Variants in PSG7 observed in about 807,000 individuals in gnomAD.
PSG7 encodes pregnancy specific beta-1-glycoprotein 7.
A neutral mutation model predicts 45.6 loss-of-function variants in PSG7; 57 were observed. That is an observed-to-expected ratio of 1.25 (90% CI 1.01 to 1.56). PSG7 has a LOEUF of 1.56. Ranked by LOEUF, PSG7 falls within the 40% of genes most tolerant of loss-of-function variation. The pLI is 0.00. For missense variants in PSG7, 796 were observed against 508.4 expected, an observed-to-expected ratio of 1.57 and a Z score of -5.44; for synonymous variants, 298 against 194.4, an observed-to-expected ratio of 1.53 and a Z score of -4.43.
intron 1 of PSG7, 104 bp downstream of exon 1, chr19:42,936,909 A>C: frequency 4.0e-6 from 6 of 1,517,418 alleles, no homozygotes; most frequent in Non-Finnish European, 5.4e-6. Context: ...AGCCTCCCAA[A>C]GTGCTGGCTT....
Position 42,931,521 on chromosome 19 carries a change from C to G in PSG7, c.431-1801G>C, listed in dbSNP as rs563179751. ...TTTCTGGGCAGAGTTAGGAAAAATGCGGAGGACCCCAAAACAGGTATGTGA... is the reference window on the plus strand; with the variant it reads ...TTTCTGGGCAGAGTTAGGAAAAATGGGGAGGACCCCAAAACAGGTATGTGA... On this transcript the variant is annotated intron_variant, in intron 2 of 5. Coordinates refer to ENST00000406070, the MANE Select transcript of PSG7 (RefSeq NM_002783.3). 4.1e-4 allele frequency among the ~76,000 whole-genome samples: 62 copies of G among 151,640 alleles called. 3 individuals are homozygous for G. The highest frequency in any genetic ancestry group is 1.9e-3 in the East Asian group (10 of 5,156).
intron 2 of PSG7, among the ~76,000 whole-genome samples, chr19:42,930,245 G>A (rs1972990406): frequency 6.6e-6 from 1 of 151,654 alleles, no homozygotes; most frequent in Non-Finnish European, 1.5e-5. Context: ...AAATAACACA[G>A]GGGAGACCAG....
At chr19:42,927,094 C>A (rs1187193202) in intron 3 of PSG7, 4 of 286,054 alleles carry the variant, frequency 1.4e-5, no homozygotes, top group African/African-American at 2.1e-5. Context: ...AAATTGCATC[C>A]TACTTTGCCC....
chr19:42,933,305 ATATTTT>A (rs1169578096), intron 2 of PSG7, among the ~76,000 whole-genome samples: 1 of 13,748 alleles, frequency 7.3e-5, no homozygotes, highest in African/African-American at 1.7e-4. Flanking sequence ...ATATATATAT[ATATTTT>A]TTTTTTTTTT....
intron 3 of PSG7, among the ~76,000 whole-genome samples, chr19:42,928,093 C>T (rs746605194): frequency 5.3e-5 from 8 of 151,526 alleles, no homozygotes; most frequent in African/African-American, 1.7e-4. Flanking sequence ...TCTCTCACCA[C>T]GTTTCTAGCT....
intron 2 of PSG7, among the ~76,000 whole-genome samples, chr19:42,933,295 A>ATTTTTT (rs1168854490): frequency 1.7e-4 from 2 of 11,900 alleles, no homozygotes; most frequent in African/African-American, 4.8e-4. Flanking sequence ...ATATATATAT[A>ATTTTTT]TATATATATA....
intron 2 of PSG7, among the ~76,000 whole-genome samples, chr19:42,933,305 A>ATTTTTT (rs1294208407): frequency 3.6e-4 from 5 of 13,730 alleles, no homozygotes; most frequent in African/African-American, 5.1e-4. Context: ...ATATATATAT[A>ATTTTTT]TATTTTTTTT....
rs377573647 is a variant in PSG7 at position 42,925,897 on chromosome 19, C to G, written c.1119G>C (p.Gln373His). ...QYSWTINGKF[Q>H]LSGQKLSIPQ... ...GGATAGAAAGCTTTTGTCCTGATAG[C>G]TGAAACTTCCCATTAATTGTCCAAG... The change falls in exon 5 of 6, where the codon CAG (glutamine) becomes CAC (histidine). Residue 373 changes from glutamine (Q) to histidine (H), a missense_variant. Gln to His is a conservative substitution (Grantham distance 24, BLOSUM62 0). Coordinates refer to ENST00000406070, the MANE Select transcript of PSG7 (RefSeq NM_002783.3). The G allele has an allele frequency of 1.9e-6, 3 of 1,612,036 alleles. 1 individual carries two copies. The highest frequency in any genetic ancestry group is 2.7e-5 in the African/African-American group (2 of 74,646).
At chr19:42,926,966 CAGA>C in intron 3 of PSG7, 1 of 710,152 alleles carries the variant, frequency 1.4e-6, no homozygotes, top group Non-Finnish European at 2.2e-6. Context: ...GGGTCATGGA[CAGA>C]CATGTCAGTG....
At position 42,924,810 on chromosome 19, in the gene PSG7, A is replaced by G. The variant is rs553584882; in HGVS notation, c.1258T>C (p.Ter420ArgextTer35). ...TVRVSDWTLP* is the reference protein window; with the variant it reads ...TVRVSDWTLPR ...GGAATTGGAGGAACTAGTAGAATTC[A>G]GGGTAATGTCCAGTCTACAGTGGAT... is the stretch of plus-strand genomic sequence containing the variant. The change falls in exon 6 of 6, where the codon TGA becomes CGA. Residue 420 changes from the stop codon to arginine, a stop_lost. Transcript: ENST00000406070. The G allele has an allele frequency of 5.2e-6, 4 of 762,258 alleles. No individual in the cohort carries two copies. The highest frequency in any genetic ancestry group is 5.1e-5 in the Admixed American group (3 of 58,366). 47.2% of individuals were successfully genotyped at this position (762,258 alleles called of 1,614,324 possible).
rs1568454976 is a variant in PSG7 at position 42,926,419 on chromosome 19, G to A, written c.988+19C>T. The A allele has an allele frequency of 6.2e-7, 1 of 1,610,448 alleles. No homozygotes were observed. Among genetic ancestry groups the A allele is most frequent in the Non-Finnish European group, 8.5e-7 (1 of 1,178,198 alleles). Reference sequence around the variant, plus strand: ...TGTCCTGGCCCACAGAGGAAGAAAGGATACTCAAGGATACTCACAGAGGAC... The same window carrying A: ...TGTCCTGGCCCACAGAGGAAGAAAGAATACTCAAGGATACTCACAGAGGAC... On this transcript the variant is annotated intron_variant, in intron 4 of 5. Coordinates refer to ENST00000406070, the MANE Select transcript of PSG7 (RefSeq NM_002783.3).
rs1391451711 is a variant in PSG7 at position 42,933,121 on chromosome 19, T to C, written c.430+2283A>G. On this transcript the variant is annotated intron_variant, in intron 2 of 5. Coordinates refer to ENST00000406070, the MANE Select transcript of PSG7 (RefSeq NM_002783.3). ...CAAACAATCAGCAGTACTCATTTTT[T>C]AGTCCTGTGCCCCTGAAACTATCCT... Among the ~76,000 whole-genome samples the C allele has an allele frequency of 2.0e-5, 3 of 148,694 alleles. No homozygotes were observed. In the East Asian group the frequency reaches 6.0e-4, roughly 30 times the overall value.
rs761774520 is a variant in PSG7 at position 42,925,913 on chromosome 19, A to T, written c.1103T>A (p.Ile368Asn). 3.7e-6 allele frequency: 6 copies of T among 1,612,072 alleles called. No homozygotes were observed. The part of the protein sequence containing the change: ...SNPPAQYSWT[I>N]NGKFQLSGQK... The stretch of plus-strand genomic sequence containing the variant: ...TCCTGATAGCTGAAACTTCCCATTA[A>T]TTGTCCAAGAATACTGTGCCGGTGG... The change falls in exon 5 of 6, where the codon ATT (isoleucine) becomes AAT (asparagine). Residue 368 changes from isoleucine to asparagine, a missense_variant. Transcript: ENST00000406070.
At position 42,935,647 on chromosome 19, in the gene PSG7, T is replaced by C. The variant is rs1180383090; in HGVS notation, c.187A>G (p.Thr63Ala). 1 of 1,612,190 alleles carries C rather than the reference T, an allele frequency of 6.2e-7. No individual in the cohort carries two copies. ...LLVHNLPQNL[T>A]GYIWYKGQIR... ...TGTCCTTTGTACCAGATGTAGCCAGTAAGATTCTGGGGCAAATTGTGGACA... is the reference window on the plus strand; with the variant it reads ...TGTCCTTTGTACCAGATGTAGCCAGCAAGATTCTGGGGCAAATTGTGGACA... The change falls in exon 2 of 6, where the codon ACT becomes GCT. Residue 63 changes from threonine to alanine, a missense_variant. Coordinates refer to ENST00000406070, the MANE Select transcript of PSG7 (RefSeq NM_002783.3).
At chr19:42,932,189 A>T (rs553729240) in intron 2 of PSG7, among the ~76,000 whole-genome samples, 2 of 151,278 alleles carry the variant, frequency 1.3e-5, no homozygotes, top group African/African-American at 4.9e-5. Flanking sequence ...ACGTCCCACT[A>T]ATTTTTTGTA....
In PSG7 at chr19:42,929,717, T is replaced by G; in HGVS notation, c.434A>C (p.Glu145Ala). Residue 145 changes from glutamate to alanine, a missense_variant, in exon 3 of 6, where the codon GAG becomes GCG. By Grantham distance (107) the Glu-to-Ala change is moderately radical (BLOSUM62 -1). Transcript: ENST00000406070. Reference protein sequence around the residue: ...TGRFTFTLYLETPKPSISSSN... With the variant: ...TGRFTFTLYLATPKPSISSSN... ...GCTGGAGATGGAGGGTTTGGGAGTC[T>G]CCACTGTGCGGAAAACAGAGAGAAG... 2 of 1,611,428 alleles carry G rather than the reference T, an allele frequency of 1.2e-6. No homozygotes were observed. Among genetic ancestry groups the G allele is most frequent in the Non-Finnish European group, 1.7e-6 (2 of 1,178,694 alleles).
At chr19:42,933,307 A>ATATATATATATTTTTTT (rs56691588) in intron 2 of PSG7, among the ~76,000 whole-genome samples, 5 of 13,500 alleles carry the variant, frequency 3.7e-4, no homozygotes, top group Non-Finnish European at 6.4e-4. Context: ...ATATATATAT[A>ATATATATATATTTTTTT]TTTTTTTTTT....
intron 2 of PSG7, among the ~76,000 whole-genome samples, chr19:42,934,449 T>C (rs1973101870): frequency 6.6e-6 from 1 of 151,484 alleles, no homozygotes; most frequent in Non-Finnish European, 1.5e-5. Flanking sequence ...CCCTTTGTGT[T>C]TGTGTGACTC....
chr19:42,933,266 A>AT lies in PSG7; in HGVS notation c.430+2137_430+2138insA, dbSNP rs1973060126. Among the ~76,000 whole-genome samples, 67 of 15,744 alleles carry AT rather than the reference A, an allele frequency of 4.3e-3. 8 individuals are homozygous for AT. The highest frequency in any genetic ancestry group is 6.4e-3 in the Non-Finnish European group (52 of 8,108). 10.3% of individuals were successfully genotyped at this position (15,744 alleles called of 152,430 possible). A position where few individuals can be genotyped will look rare whatever the true frequency, so the allele number is the denominator to read the frequency against. ...ATTCTTTACTACAAATCACCATTTC[A>AT]ATATATATATATATATATATATATA... On this transcript the variant is annotated intron_variant, in intron 2 of 5. Coordinates refer to ENST00000406070, the MANE Select transcript of PSG7 (RefSeq NM_002783.3).
Sources: gnomAD v4.1 joint callset for allele counts (sites outside exome capture counted in the v4.1 genomes callset) on GRCh38, gnomAD v4.1.1 for gene constraint, MANE v1.5 for transcripts, NCBI Gene and HGNC (gene_info 2026-07-23, HGNC 2026-07-21) for gene names.